The following MICU1 variants were observed in gnomAD, a reference collection of about 807,000 sequenced individuals.
The protein encoded by MICU1 is calcium uptake protein 1, mitochondrial.
A neutral mutation model predicts 56.8 loss-of-function variants in MICU1; 45 were observed. The observed-to-expected ratio is 0.79, with a 90% CI of 0.62 to 1.02. The LOEUF is 1.02. Ranked by LOEUF, MICU1 falls within the 50% of genes least tolerant of loss-of-function variation. MICU1 has a pLI of 0.00. For missense variants in MICU1, 504 were observed against 587.1 expected (o/e 0.86, Z 1.46); for synonymous variants, 186 against 195.1 (o/e 0.95, Z 0.39).
At chr10:72,456,259 C>G (rs1481981419) in intron 8 of MICU1, among the ~76,000 whole-genome samples, 1 of 152,206 alleles carries the variant, frequency 6.6e-6, no homozygotes, top group African/African-American at 2.4e-5. Context: ...ATCCTATAAT[C>G]TGGGGAAGGC....
rs750157034 is a variant in MICU1 at position 72,475,257 on chromosome 10, C to T, written c.776G>A (p.Arg259His). The change falls in exon 8 of 12, where the codon CGC (arginine) becomes CAC (histidine). Residue 259 changes from arginine (R) to histidine (H), a missense_variant. By Grantham distance (29) the Arg-to-His change is conservative. Transcript: ENST00000361114. The part of the protein sequence containing the change: ...IIRSQTSMGM[R>H]HRDRPTTGNT... ...GCCAGTAGTTGGACGATCTCTGTGGCGCATACCCATACTGGTTTGGGAGCG... is the reference window on the plus strand; with the variant it reads ...GCCAGTAGTTGGACGATCTCTGTGGTGCATACCCATACTGGTTTGGGAGCG... 5 of 1,609,034 alleles carry T rather than the reference C, an allele frequency of 3.1e-6. No homozygotes were observed. Among genetic ancestry groups the T allele is most frequent in the East Asian group, 2.2e-5 (1 of 44,782 alleles).
intron 1 of MICU1, among the ~76,000 whole-genome samples, chr10:72,581,786 G>C (rs1840906115): frequency 6.6e-6 from 1 of 152,120 alleles, no homozygotes; most frequent in Non-Finnish European, 1.5e-5. Context: ...GGAAGATGCA[G>C]GGCACTGGTG....
chr10:72,617,903 C>G (rs888493353), intron 1 of MICU1, among the ~76,000 whole-genome samples: 1 of 152,084 alleles, frequency 6.6e-6, no homozygotes, highest in African/African-American at 2.4e-5. Flanking sequence ...CAGTGGCTTA[C>G]GCCTGTAATC....
intron 1 of MICU1, among the ~76,000 whole-genome samples, chr10:72,577,423 T>C (rs1465172861): frequency 2.0e-5 from 3 of 151,382 alleles, no homozygotes; most frequent in Non-Finnish European, 4.4e-5. Flanking sequence ...GCAGGAGAAT[T>C]GCTTGAACCC....
chr10:72,576,653 T>G (rs1352707528), intron 1 of MICU1, among the ~76,000 whole-genome samples: 1 of 152,190 alleles, frequency 6.6e-6, no homozygotes, highest in African/African-American at 2.4e-5. Flanking sequence ...CTAGCTAAGA[T>G]CATTTGATGA....
intron 1 of MICU1, among the ~76,000 whole-genome samples, chr10:72,602,223 G>A (rs571276748): frequency 6.6e-6 from 1 of 151,102 alleles, no homozygotes; most frequent in African/African-American, 2.4e-5. Context: ...GGCTGAGGTG[G>A]GTGGATCACT....
chr10:72,394,917 A>C (rs1322211733), intron 10 of MICU1, among the ~76,000 whole-genome samples: 1 of 152,026 alleles, frequency 6.6e-6, no homozygotes, highest in Non-Finnish European at 1.5e-5. Context: ...ATGGTGGCTC[A>C]CGCCTGTAAT....
At chr10:72,610,532 G>C (rs143002602) in intron 1 of MICU1, among the ~76,000 whole-genome samples, 1 of 152,176 alleles carries the variant, frequency 6.6e-6, no homozygotes, top group Non-Finnish European at 1.5e-5. Flanking sequence ...ACAGTGGGAA[G>C]ACAGTAGGCC....
At chr10:72,528,038 T>C (rs988545455) in intron 5 of MICU1, among the ~76,000 whole-genome samples, 22 of 152,142 alleles carry the variant, frequency 1.4e-4, no homozygotes, top group African/African-American at 4.8e-4. Context: ...ATTGGCCAGG[T>C]TGGTCTTGAA....
chr10:72,616,685 G>A (rs1016615250), intron 1 of MICU1, among the ~76,000 whole-genome samples: 1 of 149,316 alleles, frequency 6.7e-6, no homozygotes, highest in African/African-American at 2.5e-5. Flanking sequence ...TTCCTAATTC[G>A]GCAAGTATTG....
chr10:72,500,253 CATACATACATATATATATATAT>C (rs1247258780), intron 6 of MICU1, among the ~76,000 whole-genome samples: 4 of 49,954 alleles, frequency 8.0e-5, no homozygotes, highest in African/African-American at 4.8e-4. Flanking sequence ...TATATACATA[CATACATACATATATATATATAT>C]ATATATATAT....
chr10:72,436,180 G>A (rs576792380), intron 8 of MICU1, among the ~76,000 whole-genome samples: 27 of 152,312 alleles, frequency 1.8e-4, no homozygotes, highest in Middle Eastern at 6.8e-3. Context: ...CCTCTGGAAC[G>A]ACACTTCCAG....
At chr10:72,575,262 C>T (rs1433649399) in intron 1 of MICU1, among the ~76,000 whole-genome samples, 1 of 152,136 alleles carries the variant, frequency 6.6e-6, no homozygotes, top group Non-Finnish European at 1.5e-5. Context: ...CTTCCTGGCC[C>T]TATTTTGTTT....
intron 5 of MICU1, among the ~76,000 whole-genome samples, chr10:72,529,464 T>C (rs755021109): frequency 8.5e-5 from 13 of 152,224 alleles, no homozygotes; most frequent in Non-Finnish European, 1.9e-4. Flanking sequence ...ATAAGGGGAC[T>C]GAATCCAACG....
At chr10:72,421,791 T>C (rs1022847639) in intron 9 of MICU1, among the ~76,000 whole-genome samples, 1 of 152,218 alleles carries the variant, frequency 6.6e-6, no homozygotes, top group East Asian at 1.9e-4. Context: ...AGTTGTCTCT[T>C]TAAACGTACA....
chr10:72,408,391 C>T (rs1863699844), intron 9 of MICU1, among the ~76,000 whole-genome samples: 1 of 152,170 alleles, frequency 6.6e-6, no homozygotes, highest in African/African-American at 2.4e-5. Context: ...TGACTGCAAC[C>T]TCCGCCTCCT....
chr10:72,441,550 T>TAA (rs767598097), intron 8 of MICU1, among the ~76,000 whole-genome samples: 1,826 of 139,144 alleles, frequency 0.013, 41 homozygotes, highest in African/African-American at 0.053. Flanking sequence ...CTTAAATTAT[T>TAA]TAAAAAAAAA....
intron 5 of MICU1, among the ~76,000 whole-genome samples, chr10:72,512,069 T>C (rs1867470143): frequency 6.7e-6 from 1 of 148,518 alleles, no homozygotes; most frequent in South Asian, 2.1e-4. Context: ...CACAAGTTCA[T>C]CCCTTATCAA....
chr10:72,475,289 G>A lies in MICU1; in HGVS notation c.744C>T (p.Ser248=). The change falls in exon 8 of 12, where the codon AGC becomes AGT. Residue 248 remains serine (S), a synonymous_variant. Coordinates refer to ENST00000361114, the MANE Select transcript of MICU1 (RefSeq NM_001195518.2). ...CCATACTGGTTTGGGAGCGAATGAT[G>A]CTCTGAACCTAATACAGAATCAAAC... The part of the protein sequence containing the change: ...VDMEEFEQVQ[S]IIRSQTSMGM... 6.2e-7 allele frequency: 1 copy of A among 1,601,876 alleles called. No individual in the cohort carries two copies. Among genetic ancestry groups the A allele is most frequent in the Non-Finnish European group, 8.5e-7 (1 of 1,173,558 alleles).
Sources: gnomAD v4.1 joint callset for allele counts (sites outside exome capture counted in the v4.1 genomes callset) on GRCh38, gnomAD v4.1.1 for gene constraint, MANE v1.5 for transcripts, NCBI Gene and HGNC (gene_info 2026-07-23, HGNC 2026-07-21) for gene names.